Variants in PCDHGA2 observed in about 807,000 individuals in gnomAD.
PCDHGA2 encodes protocadherin gamma subfamily A, 2, also known as protocadherin gamma-A2.
PCDHGA2 carries 40 observed loss-of-function variants against 59.2 expected under a neutral mutation model. That is an observed-to-expected ratio of 0.68 (90% CI 0.52 to 0.88). The LOEUF (loss-of-function observed/expected upper bound fraction) is 0.88. Among genes scored for constraint, PCDHGA2 ranks in the 40% least tolerant of loss-of-function variants. PCDHGA2 has a pLI of 0.00. For missense variants in PCDHGA2, 1,226 were observed against 1,204.0 expected (o/e 1.02, Z -0.27); for synonymous variants, 560 against 526.0 (o/e 1.06, Z -0.89).
intron 1 of PCDHGA2, chr5:141,420,414 T>C: frequency 8.2e-7 from 1 of 1,221,674 alleles, no homozygotes; most frequent in Non-Finnish European, 1.1e-6. Flanking sequence ...GTTATCATTA[T>C]TAAAACAAAA....
rs751567991 is a variant in PCDHGA2 at position 141,398,180 on chromosome 5, T to C, written c.2424+56785T>C. ...CGGGCTGAGAGGCTGCCAGTGCTCT[T>C]TCTCTTCCTGCTGTCTTTGTTCTGC... On this transcript the variant is annotated intron_variant, in intron 1 of 3. Coordinates refer to ENST00000394576, the MANE Select transcript of PCDHGA2 (RefSeq NM_018915.4). 3 of 1,473,764 alleles carry C rather than the reference T, an allele frequency of 2.0e-6. No individual in the cohort carries two copies. The African/African-American group carries it at 4.3e-5, about 21-fold the overall frequency. The allele number at this position is 1,473,764 out of a possible 1,614,324, so 91.3% of individuals were successfully genotyped here. A position where few individuals can be genotyped will look rare whatever the true frequency, so the allele number is the denominator to read the frequency against.
At position 141,340,936 on chromosome 5, in the gene PCDHGA2, C is replaced by T. The variant is rs771072942; in HGVS notation, c.1965C>T (p.Ser655=). The change falls in exon 1 of 4, where the codon TCC becomes TCT. Residue 655 remains serine (S), a synonymous_variant. Coordinates refer to ENST00000394576, the MANE Select transcript of PCDHGA2 (RefSeq NM_018915.4). ...AIQDHGQPPL[S]ATVTLTVAVA... ...AGGACCACGGCCAGCCCCCTCTCTC[C>T]GCCACTGTCACGCTCACCGTGGCCG... is the stretch of plus-strand genomic sequence containing the variant. The T allele has an allele frequency of 3.1e-6, 5 of 1,613,770 alleles. No homozygotes were observed. In the Admixed American group the frequency reaches 6.7e-5, roughly 22 times the overall value.
intron 1 of PCDHGA2, chr5:141,366,651 A>C (rs767855798): frequency 3.1e-6 from 5 of 1,614,244 alleles, no homozygotes; most frequent in Non-Finnish European, 3.4e-6. Context: ...CCCCAGCCCA[A>C]CTACGCAGAC....
At chr5:141,412,441 G>C (rs1334085357) in intron 1 of PCDHGA2, 1 of 152,124 alleles carries the variant, frequency 6.6e-6, no homozygotes, top group African/African-American at 2.4e-5. Flanking sequence ...GTTAATTAAG[G>C]CTCAGTAAAA....
chr5:141,365,622 C>T, intron 1 of PCDHGA2: 1 of 1,613,594 alleles, frequency 6.2e-7, no homozygotes, highest in Non-Finnish European at 8.5e-7. Flanking sequence ...GGAACCCCGC[C>T]CCTCTCTACA....
chr5:141,409,237 A>G lies in PCDHGA2; in HGVS notation c.2424+67842A>G, dbSNP rs375806619. The G allele has an allele frequency of 7.2e-5, 116 of 1,614,054 alleles. 2 individuals are homozygous for G. Among genetic ancestry groups the G allele is most frequent in the East Asian group, 6.5e-4 (29 of 44,886 alleles). ...TCCTTGATGAAAACGACAACAGCCC[A>G]GAAATAATCATCACTTCTCTCTCTG... On this transcript the variant is annotated intron_variant, in intron 1 of 3. Coordinates refer to ENST00000394576, the MANE Select transcript of PCDHGA2 (RefSeq NM_018915.4).
intron 1 of PCDHGA2, chr5:141,409,784 T>G: frequency 3.1e-6 from 5 of 1,612,248 alleles, no homozygotes; most frequent in Non-Finnish European, 4.2e-6. Flanking sequence ...GCTGCGCGCC[T>G]TCGCGCTCAC....
chr5:141,398,691 T>C, intron 1 of PCDHGA2: 1 of 1,613,876 alleles, frequency 6.2e-7, no homozygotes, highest in Non-Finnish European at 8.5e-7. Flanking sequence ...AACAGGATGG[T>C]AGTAAATACC....
chr5:141,450,832 T>A (rs192186566), intron 1 of PCDHGA2, among the ~76,000 whole-genome samples: 5,292 of 142,276 alleles, frequency 0.037, 115 homozygotes, highest in Middle Eastern at 0.096. Flanking sequence ...TATTATTATT[T>A]TTTTTTTTTT....
intron 1 of PCDHGA2, chr5:141,415,846 G>A: frequency 3.2e-6 from 4 of 1,240,536 alleles, no homozygotes; most frequent in Non-Finnish European, 4.2e-6. Flanking sequence ...TAGCTTTGCA[G>A]AACCTTGTAG....
At chr5:141,378,957 A>T (rs1303880032) in intron 1 of PCDHGA2, 2 of 152,224 alleles carry the variant, frequency 1.3e-5, no homozygotes, top group Non-Finnish European at 2.9e-5. Context: ...AGTACAGGGG[A>T]TTCTCTAATT....
At chr5:141,371,610 A>C in intron 1 of PCDHGA2, 1 of 1,614,006 alleles carries the variant, frequency 6.2e-7, no homozygotes, top group Non-Finnish European at 8.5e-7. Context: ...CAGGTTGGTG[A>C]CAGATGGAGC....
At position 141,381,826 on chromosome 5, in the gene PCDHGA2, CTTT is replaced by C. The variant is rs770630741; in HGVS notation, c.2424+40451_2424+40453del. Among the ~76,000 whole-genome samples the C allele has an allele frequency of 8.4e-3, 625 of 74,256 alleles. 6 individuals are homozygous for C. Among genetic ancestry groups the C allele is most frequent in the African/African-American group, 0.035 (569 of 16,164 alleles). 48.7% of individuals were successfully genotyped at this position (74,256 alleles called of 152,430 possible). On this transcript the variant is annotated intron_variant, in intron 1 of 3. Transcript: ENST00000394576. ...TTTCTTTCTTTCTTTCTTTCTTCTT[CTTT>C]TTTTTTTTTTTTTTTTTTTGGCAGA...
At chr5:141,430,834 G>T (rs1317415848) in intron 1 of PCDHGA2, 1 of 1,557,712 alleles carries the variant, frequency 6.4e-7, no homozygotes, top group Non-Finnish European at 8.7e-7. Context: ...CTCTGTGGGA[G>T]ACCGGATGCA....
intron 1 of PCDHGA2, among the ~76,000 whole-genome samples, chr5:141,468,047 G>A (rs901583535): frequency 2.0e-5 from 3 of 152,050 alleles, no homozygotes; most frequent in Non-Finnish European, 2.9e-5. Context: ...AAACTAAGCC[G>A]GGCACAGTGG....
intron 2 of PCDHGA2, among the ~76,000 whole-genome samples, chr5:141,503,744 A>G (rs1310696654): frequency 2.0e-5 from 3 of 152,112 alleles, no homozygotes; most frequent in African/African-American, 4.8e-5. Context: ...GATGGTATAG[A>G]GGTCACACAT....
chr5:141,421,420 G>C, intron 1 of PCDHGA2: 1 of 1,614,084 alleles, frequency 6.2e-7, no homozygotes, highest in Non-Finnish European at 8.5e-7. Context: ...GAAGCGCGGA[G>C]TCCGCATCGT....
chr5:141,388,663 C>A (rs770660956), intron 1 of PCDHGA2: 1 of 1,613,928 alleles, frequency 6.2e-7, no homozygotes, highest in Non-Finnish European at 8.5e-7. Context: ...CCGGGGACCA[C>A]GGTGCTACAG....
At chr5:141,409,680 C>G (rs756713114) in intron 1 of PCDHGA2, 1 of 1,613,360 alleles carries the variant, frequency 6.2e-7, no homozygotes, top group Non-Finnish European at 8.5e-7. Context: ...TCTATAGTGG[C>G]GAGTGACCTA....
Sources: allele counts gnomAD v4.1 joint callset (sites outside exome capture counted in the v4.1 genomes callset), GRCh38; gene constraint gnomAD v4.1.1; transcripts MANE v1.5; gene names NCBI Gene and HGNC (gene_info 2026-07-23, HGNC 2026-07-21).